The following KCNQ5 variants were observed in gnomAD, a reference collection of about 807,000 sequenced individuals.
KCNQ5 encodes the protein potassium voltage-gated channel subfamily KQT member 5.
KCNQ5 carries 30 observed loss-of-function variants against 98.2 expected under a neutral mutation model. That is an observed-to-expected ratio of 0.31 (90% confidence interval 0.23 to 0.41). The LOEUF is 0.41. Among genes scored for constraint, KCNQ5 ranks in the 10% least tolerant of loss-of-function variants. The pLI is 1.00. For missense variants in KCNQ5, 835 were observed against 1,182.5 expected, an observed-to-expected ratio of 0.71 and a Z score of 4.31; for synonymous variants, 458 against 449.4, an observed-to-expected ratio of 1.02 and a Z score of -0.24.
chr6:73,058,859 T>A (rs1772648028), intron 3 of KCNQ5, among the ~76,000 whole-genome samples: 1 of 152,066 alleles, frequency 6.6e-6, no homozygotes, highest in African/African-American at 2.4e-5. Flanking sequence ...AAAACCACAA[T>A]AAGATACCAT....
intron 1 of KCNQ5, among the ~76,000 whole-genome samples, chr6:72,704,405 T>C (rs919630693): frequency 6.6e-6 from 1 of 152,158 alleles, no homozygotes; most frequent in African/African-American, 2.4e-5. Flanking sequence ...ACTCTGGGTT[T>C]TTTTTTCCCA....
At chr6:73,017,247 G>T (rs1285675278) in intron 2 of KCNQ5, among the ~76,000 whole-genome samples, 3 of 151,988 alleles carry the variant, frequency 2.0e-5, no homozygotes, top group Non-Finnish European at 4.4e-5. Context: ...TTGAAATCAT[G>T]GTGAAATTAC....
chr6:73,119,956 G>T (rs989221346), intron 7 of KCNQ5, among the ~76,000 whole-genome samples: 1 of 151,918 alleles, frequency 6.6e-6, no homozygotes, highest in Non-Finnish European at 1.5e-5. Flanking sequence ...AAGAAGCTCT[G>T]GCCAGGCACA....
At chr6:72,798,848 C>A (rs1426618800) in intron 1 of KCNQ5, among the ~76,000 whole-genome samples, 1 of 152,010 alleles carries the variant, frequency 6.6e-6, no homozygotes, top group East Asian at 1.9e-4. Context: ...TCTACCCTAT[C>A]TCCTATTTTC....
intron 1 of KCNQ5, among the ~76,000 whole-genome samples, chr6:72,700,291 A>ATATCTATCTATC (rs70994146): frequency 1.0e-3 from 154 of 149,178 alleles, no homozygotes; most frequent in Middle Eastern, 0.01. Context: ...CTATATATCT[A>ATATCTATCTATC]TATCTATCTA....
chr6:72,702,346 C>A (rs1193905521), intron 1 of KCNQ5, among the ~76,000 whole-genome samples: 1 of 152,126 alleles, frequency 6.6e-6, no homozygotes, highest in Admixed American at 6.5e-5. Context: ...TACACAATCA[C>A]CAATTCATGT....
At chr6:72,723,992 T>C (rs1405452824) in intron 1 of KCNQ5, among the ~76,000 whole-genome samples, 3 of 152,210 alleles carry the variant, frequency 2.0e-5, no homozygotes, top group Admixed American at 6.5e-5. Context: ...AATATGATTT[T>C]TAAGTAATTG....
chr6:72,683,689 C>A (rs1444193354), intron 1 of KCNQ5, among the ~76,000 whole-genome samples: 1 of 151,430 alleles, frequency 6.6e-6, no homozygotes, highest in African/African-American at 2.4e-5. Context: ...TTCTCTTGCC[C>A]AGCTGGTCTT....
At chr6:73,181,577 G>A (rs1778406112) in intron 11 of KCNQ5, among the ~76,000 whole-genome samples, 1 of 152,234 alleles carries the variant, frequency 6.6e-6, no homozygotes, top group South Asian at 2.1e-4. Flanking sequence ...CAAAGAAGGA[G>A]AGACATAGTA....
At position 73,104,273 on chromosome 6, in the gene KCNQ5, C is replaced by G. The variant is rs193129747; in HGVS notation, c.919-984C>G. On this transcript the variant is annotated intron_variant, in intron 5 of 13. Transcript: ENST00000370398. Reference sequence around the variant, plus strand: ...ACAGTTACAGGAGACACAATCAACACCACAAAAATCACTAGCATTTCTATA... The same window carrying G: ...ACAGTTACAGGAGACACAATCAACAGCACAAAAATCACTAGCATTTCTATA... Among the ~76,000 whole-genome samples the G allele has an allele frequency of 3.4e-4, 52 of 152,120 alleles. 1 individual carries two copies. The highest frequency in any genetic ancestry group is 3.4e-3 in the Admixed American group (52 of 15,274).
chr6:72,636,099 A>T (rs2098923961), intron 1 of KCNQ5, among the ~76,000 whole-genome samples: 1 of 152,132 alleles, frequency 6.6e-6, no homozygotes, highest in African/African-American at 2.4e-5. Flanking sequence ...TTGGAAGTTG[A>T]CTACTTTGAA....
intron 10 of KCNQ5, among the ~76,000 whole-genome samples, chr6:73,151,190 T>G (rs147688200): frequency 1.4e-3 from 218 of 152,302 alleles, no homozygotes; most frequent in Middle Eastern, 0.01. Flanking sequence ...ATATAAGCCC[T>G]TTGTTACAGA....
intron 9 of KCNQ5, among the ~76,000 whole-genome samples, chr6:73,129,324 T>C (rs77649967): frequency 2.9e-3 from 1 of 350 alleles, no homozygotes; most frequent in African/African-American, 0.015. Context: ...GTTGAACATA[T>C]ATTCTGACAA....
chr6:72,933,126 CAA>C (rs1158492604), intron 1 of KCNQ5, among the ~76,000 whole-genome samples: 91 of 151,974 alleles, frequency 6.0e-4, no homozygotes, highest in African/African-American at 2.1e-3. Flanking sequence ...TTTAATAAGC[CAA>C]TATATTTTGG....
At chr6:72,699,422 A>AT (rs1297898045) in intron 1 of KCNQ5, among the ~76,000 whole-genome samples, 1 of 152,154 alleles carries the variant, frequency 6.6e-6, no homozygotes, top group Admixed American at 6.5e-5. Flanking sequence ...GAATTTAAAT[A>AT]TTTTTTATTT....
intron 1 of KCNQ5, among the ~76,000 whole-genome samples, chr6:72,938,412 C>T (rs1253472561): frequency 1.3e-5 from 2 of 152,150 alleles, no homozygotes; most frequent in South Asian, 4.1e-4. Context: ...TGGAGTCTCG[C>T]TCTGTCACCC....
intron 1 of KCNQ5, among the ~76,000 whole-genome samples, chr6:72,721,758 T>C (rs1769969485): frequency 6.6e-6 from 1 of 152,194 alleles, no homozygotes; most frequent in Non-Finnish European, 1.5e-5. Flanking sequence ...AATATTACTT[T>C]AATCATGCTA....
intron 1 of KCNQ5, among the ~76,000 whole-genome samples, chr6:72,864,720 T>A (rs1219538053): frequency 6.6e-6 from 1 of 152,178 alleles, no homozygotes; most frequent in Non-Finnish European, 1.5e-5. Context: ...AATTTTAGGC[T>A]TGACTAATTT....
At chr6:72,790,440 T>C (rs1773977399) in intron 1 of KCNQ5, among the ~76,000 whole-genome samples, 1 of 152,088 alleles carries the variant, frequency 6.6e-6, no homozygotes, top group East Asian at 1.9e-4. Context: ...TTGTAGGGAC[T>C]AAAAAGTAAA....
Sources: allele counts gnomAD v4.1 joint callset (sites outside exome capture counted in the v4.1 genomes callset), GRCh38; gene constraint gnomAD v4.1.1; transcripts MANE v1.5; gene names NCBI Gene and HGNC (gene_info 2026-07-23, HGNC 2026-07-21).